The following CNTNAP5 variants were observed in gnomAD, a reference collection of about 807,000 sequenced individuals.
CNTNAP5 encodes contactin associated protein family member 5.
Under a neutral mutation model 150.2 loss-of-function variants are expected in CNTNAP5, and 72 were observed. The observed-to-expected ratio is 0.48, with a 90% CI of 0.40 to 0.58. The LOEUF (loss-of-function observed/expected upper bound fraction) is 0.58. Among genes scored for constraint, CNTNAP5 ranks in the 20% least tolerant of loss-of-function variants. CNTNAP5 has a pLI of 0.00. For missense variants in CNTNAP5, 1,636 were observed against 1,626.2 expected, an observed-to-expected ratio of 1.01 and a Z score of -0.10; for synonymous variants, 672 against 619.8, an observed-to-expected ratio of 1.08 and a Z score of -1.25.
intron 3 of CNTNAP5, among the ~76,000 whole-genome samples, chr2:124,367,847 A>G (rs1252356816): frequency 6.6e-6 from 1 of 152,212 alleles, no homozygotes; most frequent in Non-Finnish European, 1.5e-5. Context: ...ACTTATAGAA[A>G]GAAATCAGTT....
intron 19 of CNTNAP5, among the ~76,000 whole-genome samples, chr2:124,804,345 T>A (rs1477263739): frequency 6.6e-6 from 1 of 152,222 alleles, no homozygotes; most frequent in Admixed American, 6.5e-5. Flanking sequence ...AACAGTGGCA[T>A]GCTTAGTAGC....
intron 21 of CNTNAP5, among the ~76,000 whole-genome samples, chr2:124,893,476 G>C (rs941028651): frequency 6.6e-6 from 1 of 152,096 alleles, no homozygotes; most frequent in African/African-American, 2.4e-5. Flanking sequence ...TCAAAGCAGT[G>C]TGTTGTCTTT....
intron 1 of CNTNAP5, among the ~76,000 whole-genome samples, chr2:124,182,298 A>G (rs533114686): frequency 9.9e-5 from 15 of 152,262 alleles, no homozygotes; most frequent in Admixed American, 7.2e-4. Flanking sequence ...AATATGAAAA[A>G]ATGATTAGTC....
chr2:124,358,232 A>AT, intron 3 of CNTNAP5, among the ~76,000 whole-genome samples: 1 of 152,156 alleles, frequency 6.6e-6, no homozygotes, highest in South Asian at 2.1e-4. Context: ...CTAGATATAC[A>AT]ATCATGTCAT....
intron 3 of CNTNAP5, among the ~76,000 whole-genome samples, chr2:124,338,242 C>T (rs759607579): frequency 2.6e-5 from 4 of 152,112 alleles, no homozygotes; most frequent in Non-Finnish European, 5.9e-5. Context: ...GCTGAAGTTG[C>T]TTATCAGCTT....
At chr2:124,884,860 T>G (rs993578230) in intron 21 of CNTNAP5, among the ~76,000 whole-genome samples, 2 of 151,974 alleles carry the variant, frequency 1.3e-5, no homozygotes, top group Non-Finnish European at 2.9e-5. Context: ...GTATAGTTAT[T>G]TGGGGGATAT....
chr2:124,200,222 C>T (rs1685693704), intron 1 of CNTNAP5, among the ~76,000 whole-genome samples: 1 of 152,156 alleles, frequency 6.6e-6, no homozygotes, highest in African/African-American at 2.4e-5. Flanking sequence ...TTAGTTATCT[C>T]CTTTTAGCTT....
intron 8 of CNTNAP5, among the ~76,000 whole-genome samples, chr2:124,507,010 C>A (rs1403742163): frequency 6.6e-6 from 1 of 152,124 alleles, no homozygotes; most frequent in Non-Finnish European, 1.5e-5. Context: ...GAATTACAGA[C>A]AAATTAACAG....
At chr2:124,358,209 A>T (rs914882512) in intron 3 of CNTNAP5, among the ~76,000 whole-genome samples, 5 of 152,168 alleles carry the variant, frequency 3.3e-5, no homozygotes, top group Admixed American at 2.6e-4. Context: ...TTGGGCTGAG[A>T]CAATGGGGTT....
intron 3 of CNTNAP5, among the ~76,000 whole-genome samples, chr2:124,283,747 A>C (rs2104625813): frequency 6.6e-6 from 1 of 152,316 alleles, no homozygotes; most frequent in South Asian, 2.1e-4. Context: ...TGGAAGTCTA[A>C]GATCAAGGTG....
intron 1 of CNTNAP5, among the ~76,000 whole-genome samples, chr2:124,061,419 C>A (rs1283457026): frequency 6.6e-6 from 1 of 152,090 alleles, no homozygotes; most frequent in African/African-American, 2.4e-5. Context: ...CTAATAGAAG[C>A]TACTCTGACC....
chr2:124,083,553 A>AGTT, intron 1 of CNTNAP5, among the ~76,000 whole-genome samples: 1 of 152,148 alleles, frequency 6.6e-6, no homozygotes, highest in African/African-American at 2.4e-5. Flanking sequence ...AAAGTTTTAG[A>AGTT]GTTTTAAAAA....
intron 20 of CNTNAP5, 22 bp from the exon 21 acceptor site, chr2:124,869,652 CT>C: frequency 6.5e-7 from 1 of 1,548,998 alleles, no homozygotes; most frequent in East Asian, 2.3e-5. Flanking sequence ...GCTGATGTGC[CT>C]TTGTTTTCTG....
At chr2:124,266,628 G>A (rs1332694858) in intron 3 of CNTNAP5, among the ~76,000 whole-genome samples, 1 of 152,122 alleles carries the variant, frequency 6.6e-6, no homozygotes, top group Non-Finnish European at 1.5e-5. Flanking sequence ...TTTTCCTGAT[G>A]CTTTCTCTTG....
intron 13 of CNTNAP5, among the ~76,000 whole-genome samples, chr2:124,736,975 G>T (rs1680396565): frequency 6.6e-6 from 1 of 152,028 alleles, no homozygotes; most frequent in Non-Finnish European, 1.5e-5. Flanking sequence ...CAAAAATAAT[G>T]ATTTCAGGTT....
At chr2:124,442,346 C>T (rs936902972) in intron 5 of CNTNAP5, among the ~76,000 whole-genome samples, 3 of 152,102 alleles carry the variant, frequency 2.0e-5, no homozygotes, top group Non-Finnish European at 2.9e-5. Context: ...ATTTGAAGGT[C>T]CCAATCATGT....
intron 1 of CNTNAP5, among the ~76,000 whole-genome samples, chr2:124,072,080 T>G (rs1682318434): frequency 6.6e-6 from 1 of 152,044 alleles, no homozygotes; most frequent in Admixed American, 6.6e-5. Context: ...GTTCAACATA[T>G]GAAAATCAAT....
At chr2:124,754,985 T>A (rs1300581327) in intron 14 of CNTNAP5, among the ~76,000 whole-genome samples, 1 of 152,100 alleles carries the variant, frequency 6.6e-6, no homozygotes, top group Non-Finnish European at 1.5e-5. Flanking sequence ...GGTTGAAAAT[T>A]CAAAACCAAA....
intron 5 of CNTNAP5, among the ~76,000 whole-genome samples, chr2:124,439,958 T>C (rs147688637): frequency 6.6e-6 from 1 of 152,258 alleles, no homozygotes; most frequent in Non-Finnish European, 1.5e-5. Context: ...ATATGGGAGA[T>C]ACAGATAGTA....
Sources: allele counts gnomAD v4.1 joint callset (sites outside exome capture counted in the v4.1 genomes callset), GRCh38; gene constraint gnomAD v4.1.1; transcripts MANE v1.5; gene names NCBI Gene and HGNC (gene_info 2026-07-23, HGNC 2026-07-21).